The following ANKRD44 variants were observed in gnomAD, a reference collection of about 807,000 sequenced individuals.
The protein encoded by ANKRD44 is ankyrin repeat domain 44.
A neutral mutation model predicts 116.0 loss-of-function variants in ANKRD44; 35 were observed. The observed-to-expected ratio is 0.30, with a 90% CI of 0.23 to 0.40. The LOEUF (loss-of-function observed/expected upper bound fraction) is 0.40. ANKRD44 is among the 10% of genes least tolerant of loss of function. The probability of loss-of-function intolerance (pLI) is 1.00; values close to 1 mark genes in which losing one functional copy is unlikely to be tolerated. For synonymous variants in ANKRD44, 435 were observed against 461.8 expected, an observed-to-expected ratio of 0.94 and a Z score of 0.74; for missense variants, 1,014 against 1,242.6, an observed-to-expected ratio of 0.82 and a Z score of 2.77.
At chr2:197,041,558 C>G (rs562995026) in intron 16 of ANKRD44, among the ~76,000 whole-genome samples, 1 of 152,306 alleles carries the variant, frequency 6.6e-6, no homozygotes, top group South Asian at 2.1e-4. Flanking sequence ...AATTGCCTCT[C>G]TTCTCTCCCC....
At chr2:197,042,563 T>G (rs1467870951) in intron 16 of ANKRD44, among the ~76,000 whole-genome samples, 2 of 151,244 alleles carry the variant, frequency 1.3e-5, no homozygotes, top group Admixed American at 1.3e-4. Flanking sequence ...AAGAACTACC[T>G]GTCTCTCGGG....
At chr2:197,146,483 A>G (rs145663026) in intron 3 of ANKRD44, among the ~76,000 whole-genome samples, 1 of 152,228 alleles carries the variant, frequency 6.6e-6, no homozygotes, top group East Asian at 1.9e-4. Flanking sequence ...GCATATATAT[A>G]TGGCATATAT....
chr2:197,074,720 C>CCT (rs1243383920), intron 16 of ANKRD44, among the ~76,000 whole-genome samples: 1 of 152,270 alleles, frequency 6.6e-6, no homozygotes, highest in East Asian at 1.9e-4. Flanking sequence ...CTCAAGCAAT[C>CCT]CTCCCACCTC....
chr2:197,191,601 T>A (rs1258623418), intron 1 of ANKRD44, among the ~76,000 whole-genome samples: 1 of 152,188 alleles, frequency 6.6e-6, no homozygotes, highest in African/African-American at 2.4e-5. Flanking sequence ...GGATAGTTAT[T>A]CTCAAACTTT....
intron 18 of ANKRD44, among the ~76,000 whole-genome samples, chr2:197,013,078 C>T (rs2076327354): frequency 6.6e-6 from 1 of 152,186 alleles, no homozygotes; most frequent in South Asian, 2.1e-4. Flanking sequence ...GAATGATGTA[C>T]TGATTGCTGC....
At chr2:197,234,521 T>G (rs2081938333) in intron 1 of ANKRD44, among the ~76,000 whole-genome samples, 1 of 152,224 alleles carries the variant, frequency 6.6e-6, no homozygotes, top group African/African-American at 2.4e-5. Context: ...TTTTGTTTTG[T>G]TAAATAATTG....
intron 1 of ANKRD44, among the ~76,000 whole-genome samples, chr2:197,209,141 C>G (rs2697308): frequency 6.6e-6 from 1 of 152,240 alleles, no homozygotes; most frequent in African/African-American, 2.4e-5. Context: ...AAAGACAAGA[C>G]GTTCTGAGTA....
intron 1 of ANKRD44, 33 bp downstream of exon 1, chr2:197,310,545 C>T: frequency 9.0e-7 from 1 of 1,113,880 alleles, no homozygotes. Flanking sequence ...CCCGCGCCCG[C>T]GCGTCCCGCC....
chr2:197,117,011 G>A (rs2078726242), intron 8 of ANKRD44, among the ~76,000 whole-genome samples: 1 of 152,112 alleles, frequency 6.6e-6, no homozygotes, highest in Non-Finnish European at 1.5e-5. Context: ...TGATAAAGCT[G>A]TTTAATATTC....
At chr2:197,215,789 A>C (rs1190955874) in intron 1 of ANKRD44, among the ~76,000 whole-genome samples, 1 of 152,212 alleles carries the variant, frequency 6.6e-6, no homozygotes, top group Non-Finnish European at 1.5e-5. Flanking sequence ...TTTAAAAATC[A>C]ACCTGCAATT....
At position 197,005,787 on chromosome 2, in the gene ANKRD44, G is replaced by A. The variant is rs774216669; in HGVS notation, c.2254C>T (p.Leu752=). 6.2e-7 allele frequency: 1 copy of A among 1,614,274 alleles called. No individual in the cohort carries two copies. Among genetic ancestry groups the A allele is most frequent in the Non-Finnish European group, 8.5e-7 (1 of 1,180,046 alleles). Residue 752 remains leucine (L), a synonymous_variant, in exon 21 of 28, where the codon CTG becomes TTG. Coordinates refer to ENST00000282272, the MANE Select transcript of ANKRD44 (RefSeq NM_001195144.2). ...AGAGCCATTTGGAGCAGCTCGCTCA[G>A]CCACGTGGCGTGGCCACGAGCAGCT... The part of the protein sequence containing the change: ...YAAARGHATW[L]SELLQMALSE...
chr2:197,128,218 C>A (rs1394174295), intron 4 of ANKRD44, among the ~76,000 whole-genome samples: 1 of 152,202 alleles, frequency 6.6e-6, no homozygotes, highest in African/African-American at 2.4e-5. Context: ...GAAGTCACCA[C>A]ACTGTCTTCC....
chr2:197,109,779 T>A (rs72924698), intron 9 of ANKRD44, among the ~76,000 whole-genome samples: 31 of 152,280 alleles, frequency 2.0e-4, no homozygotes, highest in Non-Finnish European at 3.4e-4. Flanking sequence ...TTGTCTTTTT[T>A]AAATACTCTC....
chr2:197,055,233 C>T (rs1288886922), intron 16 of ANKRD44, among the ~76,000 whole-genome samples: 1 of 152,162 alleles, frequency 6.6e-6, no homozygotes, highest in Non-Finnish European at 1.5e-5. Context: ...AATACTTGGA[C>T]ATCCTCTTGT....
At chr2:197,020,206 C>T (rs1445844103) in intron 17 of ANKRD44, among the ~76,000 whole-genome samples, 2 of 152,166 alleles carry the variant, frequency 1.3e-5, no homozygotes, top group Non-Finnish European at 2.9e-5. Flanking sequence ...CAGGCTATGA[C>T]ACTTGACTCC....
chr2:197,253,864 C>T (rs1331212178), intron 1 of ANKRD44, among the ~76,000 whole-genome samples: 1 of 152,190 alleles, frequency 6.6e-6, no homozygotes, highest in African/African-American at 2.4e-5. Flanking sequence ...TAACTATTTA[C>T]AAGCCCACTG....
intron 3 of ANKRD44, among the ~76,000 whole-genome samples, chr2:197,145,020 G>A (rs187809054): frequency 1.3e-4 from 20 of 152,288 alleles, no homozygotes; most frequent in Admixed American, 1.2e-3. Context: ...GGCTGGGCAC[G>A]GTGGCTCACA....
At chr2:197,078,658 ATGTG>A (rs139294990) in intron 16 of ANKRD44, 41 bp downstream of exon 16, 35 of 1,540,228 alleles carry the variant, frequency 2.3e-5, no homozygotes, top group East Asian at 2.1e-4. Context: ...GATTTGGGGT[ATGTG>A]TGTGTGTGTG....
intron 1 of ANKRD44, among the ~76,000 whole-genome samples, chr2:197,207,837 A>T (rs2081241652): frequency 1.3e-5 from 2 of 152,242 alleles, no homozygotes; most frequent in South Asian, 4.1e-4. Flanking sequence ...AACAGAAATG[A>T]GGAAGACACA....
Sources: gnomAD v4.1 joint callset for allele counts (sites outside exome capture counted in the v4.1 genomes callset) on GRCh38, gnomAD v4.1.1 for gene constraint, MANE v1.5 for transcripts, NCBI Gene and HGNC (gene_info 2026-07-23, HGNC 2026-07-21) for gene names.